Variants in AP4B1 observed in about 807,000 individuals in gnomAD.
The protein encoded by AP4B1 is adaptor related protein complex 4 subunit beta 1.
Under a neutral mutation model 76.5 loss-of-function variants are expected in AP4B1, and 49 were observed. That is an observed-to-expected ratio of 0.64 (90% CI 0.51 to 0.81). AP4B1 has a LOEUF of 0.81. AP4B1 is among the 40% of genes least tolerant of loss of function. AP4B1 has a pLI of 0.00. For synonymous variants in AP4B1, 330 were observed against 333.3 expected, an observed-to-expected ratio of 0.99 and a Z score of 0.11; for missense variants, 911 against 904.9, an observed-to-expected ratio of 1.01 and a Z score of -0.09.
chr1:113,904,891 C>T (rs1225010790), upstream of AP4B1: 14 of 644,142 alleles, frequency 2.2e-5, no homozygotes, highest in Non-Finnish European at 3.7e-5. Context: ...TGACACACTT[C>T]CACGCCCTCC....
At chr1:113,902,031 G>A (rs1454664370) in intron 2 of AP4B1, 146 bp from the exon 3 acceptor site, 1 of 1,079,420 alleles carries the variant, frequency 9.3e-7, no homozygotes, top group Non-Finnish European at 1.4e-6. Context: ...AGCTTAAAAA[G>A]CCATAATTTG....
rs1297165245 is a variant in AP4B1 at position 113,895,468 on chromosome 1, T to G, written c.1817A>C (p.Lys606Thr). Residue 606 changes from lysine to threonine, a missense_variant, in exon 10 of 10, where the codon AAG (lysine) becomes ACG (threonine). Transcript: ENST00000369569. ...ATCAGGGAGTTCTTGTACCCTCTCC[T>G]TGTTCTCTTCAGGAATCAAGGGTCC... ...ASGPLIPEEN[K>T]ERVQELPDSG... is the part of the protein sequence containing the mutation. The G allele has an allele frequency of 1.9e-6, 3 of 1,614,236 alleles. No individual in the cohort carries two copies. The highest frequency in any genetic ancestry group is 2.5e-6 in the Non-Finnish European group (3 of 1,180,042).
At chr1:113,904,408 G>A (rs1175459385) in intron 1 of AP4B1, among the ~76,000 whole-genome samples, 197 bp downstream of exon 1, 1 of 152,210 alleles carries the variant, frequency 6.6e-6, no homozygotes, top group Non-Finnish European at 1.5e-5. Flanking sequence ...CCCGTGATAT[G>A]GAGGAAACTA....
intron 4 of AP4B1, 118 bp from the exon 5 acceptor site, chr1:113,900,518 G>A (rs1174143318): frequency 1.6e-6 from 2 of 1,236,848 alleles, no homozygotes; most frequent in African/African-American, 3.0e-5. Flanking sequence ...CTTAAAAATA[G>A]GCTGTGCCAT....
Position 113,894,560 on chromosome 1 carries a change from T to C in AP4B1, c.*505A>G, listed in dbSNP as rs970119907. ...ATAAAGGGAACTGCAATGCAAATGGTTTGCTTCTGCCAGAAAAGAAGTCAT... is the reference window on the plus strand; with the variant it reads ...ATAAAGGGAACTGCAATGCAAATGGCTTGCTTCTGCCAGAAAAGAAGTCAT... On this transcript the variant is annotated 3_prime_UTR_variant, in exon 10 of 10. Coordinates refer to ENST00000369569, the MANE Select transcript of AP4B1 (RefSeq NM_001253852.3). 1.3e-5 allele frequency among the ~76,000 whole-genome samples: 2 copies of C among 152,184 alleles called. No homozygotes were observed. Among genetic ancestry groups the C allele is most frequent in the Non-Finnish European group, 2.9e-5 (2 of 68,042 alleles).
intron 1 of AP4B1, among the ~76,000 whole-genome samples, chr1:113,903,987 G>A (rs533047701): frequency 6.6e-6 from 1 of 152,200 alleles, no homozygotes; most frequent in Non-Finnish European, 1.5e-5. Context: ...ATGTGTTCAG[G>A]TATGTATAAT....
intron 5 of AP4B1, chr1:113,899,022 C>G: frequency 8.6e-7 from 1 of 1,166,952 alleles, no homozygotes; most frequent in Non-Finnish European, 1.1e-6. Context: ...AAACTGAAAG[C>G]TCATAGCAAA....
rs750276289 is a variant in AP4B1, at chr1:113,901,225, G to T, written c.617+11C>A. 1 of 1,614,104 alleles carries T rather than the reference G, an allele frequency of 6.2e-7. No homozygotes were observed. Among genetic ancestry groups the T allele is most frequent in the East Asian group, 2.2e-5 (1 of 44,872 alleles). ...GATCTCATAATAAAAAGAGTGCTGA[G>T]GCATCCAAACCGATTTAAGAGATGG... On this transcript the variant is annotated intron_variant, in intron 4 of 9. Transcript: ENST00000369569.
upstream of AP4B1, chr1:113,904,812 A>G (rs536223814): frequency 1.3e-5 from 14 of 1,084,134 alleles, no homozygotes. Context: ...AGGAAATATG[A>G]GTCAGTGAAA....
chr1:113,904,414 A>C (rs938088581), intron 1 of AP4B1, among the ~76,000 whole-genome samples, 191 bp downstream of exon 1: 2 of 152,224 alleles, frequency 1.3e-5, no homozygotes, highest in Non-Finnish European at 2.9e-5. Flanking sequence ...ATATGGAGGA[A>C]ACTACCCAGC....
Position 113,901,327 on chromosome 1 carries a change from C to T in AP4B1, c.526G>A (p.Val176Ile). ...SLLRDQDPIV[V>I]VNCLRSLEEI... The stretch of plus-strand genomic sequence containing the variant: ...TCTAGAGACCTCAAGCAGTTCACAA[C>T]TACAATTGGATCCTGGTCACGCAGC... The change falls in exon 4 of 10, where the codon GTT becomes ATT. Residue 176 changes from valine (V) to isoleucine (I), a missense_variant. Coordinates refer to ENST00000369569, the MANE Select transcript of AP4B1 (RefSeq NM_001253852.3). The T allele has an allele frequency of 6.2e-7, 1 of 1,614,122 alleles. No individual in the cohort carries two copies. Among genetic ancestry groups the T allele is most frequent in the Non-Finnish European group, 8.5e-7 (1 of 1,180,010 alleles).
rs548302381 is a variant in AP4B1 at position 113,904,589 on chromosome 1, G to A, written c.113+16C>T. 6 of 1,611,924 alleles carry A rather than the reference G, an allele frequency of 3.7e-6. No individual in the cohort carries two copies. Among genetic ancestry groups the A allele is most frequent in the East Asian group, 4.5e-5 (2 of 44,864 alleles). The stretch of plus-strand genomic sequence containing the variant: ...GCAAAGGGAGCAGTTAGCACGCGAA[G>A]GGAGGTAGGTGATACCTAATCACTC... On this transcript the variant is annotated intron_variant, in intron 1 of 9. Transcript: ENST00000369569.
Position 113,901,829 on chromosome 1 carries a change from T to C in AP4B1, c.395A>G (p.Lys132Arg). ...TGCCACTCTCCTGACATATGAAGCC[T>C]TATCCCGCAGACCATTGAGAATAGG... is the stretch of plus-strand genomic sequence containing the variant. ...QQPILNGLRD[K>R]ASYVRRVAVL... Residue 132 changes from lysine (K) to arginine (R), a missense_variant, in exon 3 of 10, where the codon AAG becomes AGG. Transcript: ENST00000369569. 1.9e-6 allele frequency: 3 copies of C among 1,614,178 alleles called. No individual in the cohort carries two copies. The highest frequency in any genetic ancestry group is 2.5e-6 in the Non-Finnish European group (3 of 1,180,024).
rs748530871 is a variant in AP4B1, at chr1:113,895,811, C to G, written c.1738G>C (p.Gly580Arg). 8 of 1,614,212 alleles carry G rather than the reference C, an allele frequency of 5.0e-6. No homozygotes were observed. The highest frequency in any genetic ancestry group is 4.2e-6 in the Non-Finnish European group (5 of 1,180,024). Residue 580 changes from glycine (G) to arginine (R), a missense_variant, in exon 9 of 10, where the codon GGG becomes CGG. Gly to Arg is a moderately radical substitution (Grantham distance 125, BLOSUM62 -2). Transcript: ENST00000369569. ...AHWATISKCQGAERCDPELPK... is the reference protein window; with the variant it reads ...AHWATISKCQRAERCDPELPK... ...AGCTCTGGGTCACAACGCTCTGCCCCCTGGCATTTAGAGATAGTTGCCCAG... is the reference window on the plus strand; with the variant it reads ...AGCTCTGGGTCACAACGCTCTGCCCGCTGGCATTTAGAGATAGTTGCCCAG...
chr1:113,901,522 C>T, intron 3 of AP4B1, 139 bp from the exon 4 acceptor site: 1 of 995,930 alleles, frequency 1.0e-6, no homozygotes, highest in Non-Finnish European at 1.4e-6. Context: ...AAGTGCAAGG[C>T]AAAAAAAAAA....
In AP4B1 at chr1:113,901,218, G is replaced by A. The variant is rs549915122; in HGVS notation, c.617+18C>T. 1.8e-5 allele frequency: 29 copies of A among 1,614,054 alleles called. No homozygotes were observed. The South Asian group carries it at 3.0e-4, about 16-fold the overall frequency. ...GGTAGCAGATCTCATAATAAAAAGAGTGCTGAGGCATCCAAACCGATTTAA... is the reference window on the plus strand; with the variant it reads ...GGTAGCAGATCTCATAATAAAAAGAATGCTGAGGCATCCAAACCGATTTAA... On this transcript the variant is annotated intron_variant, in intron 4 of 9. Transcript: ENST00000369569.
chr1:113,899,560 AT>A (rs1221825789), intron 5 of AP4B1, among the ~76,000 whole-genome samples: 1 of 152,202 alleles, frequency 6.6e-6, no homozygotes, highest in African/African-American at 2.4e-5. Flanking sequence ...AATGAAGTTA[AT>A]GACATTTGTC....
chr1:113,899,717 A>C lies in AP4B1; in HGVS notation c.1114+187T>G, dbSNP rs1667962260. On this transcript the variant is annotated intron_variant, in intron 5 of 9. Coordinates refer to ENST00000369569, the MANE Select transcript of AP4B1 (RefSeq NM_001253852.3). ...AGATACAGCAACACCAATCTTGACC[A>C]AAAAAAAACAAAAAACAAAAAAAAA... The C allele has an allele frequency of 3.0e-5, 26 of 867,204 alleles. 1 individual carries two copies. The South Asian group carries it at 4.2e-4, about 14-fold the overall frequency. 53.7% of individuals were successfully genotyped at this position (867,204 alleles called of 1,614,324 possible).
chr1:113,901,823 G>A lies in AP4B1; in HGVS notation c.401C>T (p.Ser134Leu). The A allele has an allele frequency of 6.2e-7, 1 of 1,614,128 alleles. No homozygotes were observed. Among genetic ancestry groups the A allele is most frequent in the Non-Finnish European group, 8.5e-7 (1 of 1,180,020 alleles). The change falls in exon 3 of 10, where the codon TCA becomes TTA. Residue 134 changes from serine to leucine, a missense_variant. Physicochemically the swap from Ser to Leu is moderately radical, Grantham distance 145 (BLOSUM62 -2). Transcript: ENST00000369569. ...PILNGLRDKASYVRRVAVLGC... is the reference protein window; with the variant it reads ...PILNGLRDKALYVRRVAVLGC... ...AAGGACTGCCACTCTCCTGACATAT[G>A]AAGCCTTATCCCGCAGACCATTGAG... is the stretch of plus-strand genomic sequence containing the variant.
Sources: allele counts gnomAD v4.1 joint callset (sites outside exome capture counted in the v4.1 genomes callset), GRCh38; gene constraint gnomAD v4.1.1; transcripts MANE v1.5; gene names NCBI Gene and HGNC (gene_info 2026-07-23, HGNC 2026-07-21).